Variants in ELOA observed in about 807,000 individuals in gnomAD.
The protein encoded by ELOA is elongin-A.
ELOA carries 15 observed loss-of-function variants against 85.2 expected under a neutral mutation model. The observed-to-expected ratio is 0.18, with a 90% confidence interval of 0.12 to 0.27. The LOEUF is 0.27. Ranked by LOEUF, ELOA falls within the 10% of genes least tolerant of loss-of-function variation. The pLI is 1.00. For synonymous variants in ELOA, 348 were observed against 357.2 expected, an observed-to-expected ratio of 0.97 and a Z score of 0.29; for missense variants, 769 against 952.7, an observed-to-expected ratio of 0.81 and a Z score of 2.54.
At position 23,751,381 on chromosome 1, in the gene ELOA, G is replaced by T; in HGVS notation, c.776G>T (p.Ser259Ile). ...GACAAACGCCCCGTGGATGCCAAGA[G>T]TGATGAGAAGGCCTCTGTGGTGAGC... ...HKDKRPVDAK[S>I]DEKASVVSRE... is the part of the protein sequence containing the mutation. Residue 259 changes from serine to isoleucine, a missense_variant, in exon 4 of 11, where the codon AGT (serine) becomes ATT (isoleucine). Coordinates refer to ENST00000613537, the MANE Select transcript of ELOA (RefSeq NM_003198.3). 6.2e-7 allele frequency: 1 copy of T among 1,614,208 alleles called. No individual in the cohort carries two copies.
chr1:23,749,221 A>T, intron 2 of ELOA, 144 bp downstream of exon 2: 2 of 736,382 alleles, frequency 2.7e-6, no homozygotes, highest in Non-Finnish European at 4.5e-6. Context: ...GATTCCATTT[A>T]TATGAAATGT....
At chr1:23,744,955 T>C (rs1644740166) in intron 1 of ELOA, among the ~76,000 whole-genome samples, 1 of 152,180 alleles carries the variant, frequency 6.6e-6, no homozygotes, top group Admixed American at 6.5e-5. Flanking sequence ...GGGTTTTTTT[T>C]CTTGAAGAGC....
Position 23,750,134 on chromosome 1 carries a change from C to T in ELOA, c.239+186C>T, listed in dbSNP as rs186557604. ...AAATCAAAATTTCCTATTTCTATCA[C>T]GCAAAGACAAACGTTATGAACATTT... On this transcript the variant is annotated intron_variant, in intron 3 of 10. Coordinates refer to ENST00000613537, the MANE Select transcript of ELOA (RefSeq NM_003198.3). 3.0e-3 allele frequency among the ~76,000 whole-genome samples: 445 copies of T among 149,704 alleles called. 4 individuals are homozygous for T. Among genetic ancestry groups the T allele is most frequent in the African/African-American group, 9.5e-3 (387 of 40,794 alleles).
At chr1:23,757,483 A>T (rs994771621) in intron 10 of ELOA, among the ~76,000 whole-genome samples, 3 of 152,144 alleles carry the variant, frequency 2.0e-5, no homozygotes, top group Admixed American at 1.3e-4. Context: ...CTGTAGTCCC[A>T]CCTACTCAGG....
intron 1 of ELOA, chr1:23,744,052 C>G (rs917127393): frequency 6.5e-6 from 1 of 153,416 alleles, no homozygotes; most frequent in African/African-American, 2.4e-5. Flanking sequence ...GGAGCCTGGA[C>G]TCGCGGTCTG....
At chr1:23,752,546 A>G (rs375058661) in intron 5 of ELOA, 28 bp downstream of exon 5, 6 of 1,593,028 alleles carry the variant, frequency 3.8e-6, no homozygotes, top group Non-Finnish European at 5.1e-6. Flanking sequence ...CTTTTTCTTA[A>G]TGGGAAAAAG....
rs913847759 is a variant in ELOA at position 23,761,766 on chromosome 1, A to G, written c.*2193A>G. 1.1e-4 allele frequency: 17 copies of G among 152,206 alleles called. No homozygotes were observed. The highest frequency in any genetic ancestry group is 2.4e-4 in the Non-Finnish European group (16 of 68,032). The allele number at this position is 152,206 out of a possible 1,614,324, so 9.4% of individuals were successfully genotyped here. Reference sequence around the variant, plus strand: ...TGAATTTGAACCTTTGGTCTCATTTATGGAAAAACTTGTGCAATTTTTTTT... The same window carrying G: ...TGAATTTGAACCTTTGGTCTCATTTGTGGAAAAACTTGTGCAATTTTTTTT... On this transcript the variant is annotated 3_prime_UTR_variant, in exon 11 of 11. Transcript: ENST00000613537.
Position 23,751,886 on chromosome 1 carries a change from A to G in ELOA, c.1281A>G (p.Ser427=), listed in dbSNP as rs373613088. 1.9e-6 allele frequency: 3 copies of G among 1,613,900 alleles called. No homozygotes were observed. In the African/African-American group the frequency reaches 4.0e-5, roughly 22 times the overall value. The change falls in exon 4 of 11, where the codon TCA becomes TCG. Residue 427 remains serine, a synonymous_variant. Coordinates refer to ENST00000613537, the MANE Select transcript of ELOA (RefSeq NM_003198.3). ...RKKKKKIVKT[S]ATALGDKGLK... is the part of the protein sequence containing the mutation. ...AAAAGAAAAAGATTGTGAAAACTTC[A>G]GCCACGGCACTTGGAGATAAAGGAC...
At chr1:23,758,060 C>G (rs1023430047) in intron 10 of ELOA, among the ~76,000 whole-genome samples, 2 of 151,200 alleles carry the variant, frequency 1.3e-5, no homozygotes. Context: ...AAATAAATAT[C>G]ATTGTGAATG....
intron 10 of ELOA, among the ~76,000 whole-genome samples, chr1:23,758,269 T>A (rs1314126835): frequency 9.1e-4 from 83 of 91,306 alleles, no homozygotes; most frequent in African/African-American, 3.1e-3. Flanking sequence ...ATTTTTTTTT[T>A]TTTTTTTTTT....
intron 1 of ELOA, chr1:23,744,200 G>C (rs984985443): frequency 2.6e-5 from 4 of 152,414 alleles, no homozygotes; most frequent in Middle Eastern, 3.4e-3. Flanking sequence ...ACTTAGGTTG[G>C]AATTGAAAAA....
At chr1:23,750,784 G>C (rs1028711417) in intron 3 of ELOA, 61 bp from the exon 4 acceptor site, 11 of 1,452,684 alleles carry the variant, frequency 7.6e-6, no homozygotes, top group Non-Finnish European at 9.2e-6. Context: ...CAGATTCTGT[G>C]ACTTTGTCCC....
intron 10 of ELOA, among the ~76,000 whole-genome samples, chr1:23,758,260 T>A (rs1638236053): frequency 2.0e-5 from 1 of 49,556 alleles, no homozygotes; most frequent in African/African-American, 1.5e-4. Flanking sequence ...TATTTATTTA[T>A]TTTTTTTTTT....
At chr1:23,753,211 ACT>A (rs147457826) in intron 5 of ELOA, among the ~76,000 whole-genome samples, 2,280 of 152,272 alleles carry the variant, frequency 0.015, 27 homozygotes, top group Non-Finnish European at 0.025. Flanking sequence ...AAGTGCATAG[ACT>A]CTGAAGTTTG....
chr1:23,744,701 G>T (rs551202265), intron 1 of ELOA, among the ~76,000 whole-genome samples: 1 of 152,242 alleles, frequency 6.6e-6, no homozygotes, highest in Admixed American at 6.5e-5. Context: ...TTTTTAAGTG[G>T]AAGTACAACG....
chr1:23,745,392 C>T (rs1271082136), intron 1 of ELOA, among the ~76,000 whole-genome samples: 1 of 151,988 alleles, frequency 6.6e-6, no homozygotes, highest in Non-Finnish European at 1.5e-5. Flanking sequence ...GTAGTGTCTA[C>T]AGTCATTTTT....
At position 23,751,020 on chromosome 1, in the gene ELOA, C is replaced by T; in HGVS notation, c.415C>T (p.Leu139Phe). 1.2e-6 allele frequency: 2 copies of T among 1,614,018 alleles called. No homozygotes were observed. The highest frequency in any genetic ancestry group is 1.7e-6 in the Non-Finnish European group (2 of 1,180,020). ...RQKKHRKLSE[L>F]ERPHKVSHGH... ...GAAGAAACATAGGAAACTCTCGGAG[C>T]TCGAGAGACCTCACAAAGTGTCTCA... Residue 139 changes from leucine to phenylalanine, a missense_variant, in exon 4 of 11, where the codon CTC becomes TTC. Transcript: ENST00000613537.
chr1:23,749,915 T>C lies in ELOA; in HGVS notation c.206T>C (p.Val69Ala). ...EHVGSFARDL[V>A]AQWKKLVPVE... is the part of the protein sequence containing the mutation. ...GTTGGAAGCTTTGCCAGGGACCTAG[T>C]GGCCCAGTGGAAGAAGCTGGTTCCT... Residue 69 changes from valine to alanine, a missense_variant, in exon 3 of 11, where the codon GTG (valine) becomes GCG (alanine). Coordinates refer to ENST00000613537, the MANE Select transcript of ELOA (RefSeq NM_003198.3). 6.2e-7 allele frequency: 1 copy of C among 1,613,894 alleles called. No individual in the cohort carries two copies. Among genetic ancestry groups the C allele is most frequent in the Non-Finnish European group, 8.5e-7 (1 of 1,179,858 alleles).
chr1:23,743,595 C>G lies in ELOA; in HGVS notation c.75+17C>G. ...CCTAAGAAGGTAAGCGAGGGGGCGG[C>G]GCGTAGCGGGATGGGCGTTGGGTCG... On this transcript the variant is annotated intron_variant, in intron 1 of 10. Transcript: ENST00000613537. The G allele has an allele frequency of 1.4e-6, 2 of 1,475,474 alleles. No individual in the cohort carries two copies. Among genetic ancestry groups the G allele is most frequent in the African/African-American group, 1.5e-5 (1 of 68,444 alleles). The allele number at this position is 1,475,474 out of a possible 1,614,324, so 91.4% of individuals were successfully genotyped here. A position where few individuals can be genotyped will look rare whatever the true frequency, so the allele number is the denominator to read the frequency against.
Sources: allele counts gnomAD v4.1 joint callset (sites outside exome capture counted in the v4.1 genomes callset), GRCh38; gene constraint gnomAD v4.1.1; transcripts MANE v1.5; gene names NCBI Gene and HGNC (gene_info 2026-07-23, HGNC 2026-07-21).